The following ZFPM2 variants were observed in gnomAD, a reference collection of about 807,000 sequenced individuals.
ZFPM2 encodes zinc finger protein, FOG family member 2.
Under a neutral mutation model 98.6 loss-of-function variants are expected in ZFPM2, and 20 were observed. The ratio of observed to expected loss-of-function variants is 0.20; its 90% CI spans 0.14 to 0.29. ZFPM2 has a LOEUF of 0.29. Ranked by LOEUF, ZFPM2 falls within the 10% of genes least tolerant of loss-of-function variation. The pLI is 1.00. For missense variants in ZFPM2, 1,310 were observed against 1,388.6 expected (o/e 0.94, Z 0.90); for synonymous variants, 518 against 502.7 (o/e 1.03, Z -0.41).
intron 1 of ZFPM2, among the ~76,000 whole-genome samples, chr8:105,391,024 A>G (rs1395083787): frequency 1.3e-5 from 2 of 152,240 alleles, no homozygotes; most frequent in African/African-American, 4.8e-5. Context: ...TCAAGACTCC[A>G]TAGCATAAAT....
chr8:105,616,020 T>C (rs951088101), intron 4 of ZFPM2, among the ~76,000 whole-genome samples: 6 of 152,118 alleles, frequency 3.9e-5, no homozygotes, highest in Non-Finnish European at 7.4e-5. Context: ...CTTAAGATTA[T>C]GGTATTTAAA....
At chr8:105,395,999 C>T (rs965700592) in intron 1 of ZFPM2, among the ~76,000 whole-genome samples, 1 of 152,162 alleles carries the variant, frequency 6.6e-6, no homozygotes, top group Non-Finnish European at 1.5e-5. Context: ...TCCGTACCTT[C>T]AAGTGTTTAA....
At chr8:105,544,896 G>A (rs554220895) in intron 3 of ZFPM2, among the ~76,000 whole-genome samples, 23 of 152,212 alleles carry the variant, frequency 1.5e-4, no homozygotes, top group Non-Finnish European at 2.8e-4. Flanking sequence ...ATCATGGATT[G>A]GTAATAAGCA....
rs1352934724 is a variant in ZFPM2 at position 105,440,731 on chromosome 8, T to TA, written c.200-3548dup. Among the ~76,000 whole-genome samples, 6 of 152,144 alleles carry TA rather than the reference T, an allele frequency of 3.9e-5. No individual in the cohort carries two copies. In the East Asian group the frequency reaches 1.2e-3, roughly 29 times the overall value. ...TAGAACAGGAGCTCTAATTCTGCGA[T>TA]ACAGTCACTGCTAGCAACTGAAGAC... is the stretch of plus-strand genomic sequence containing the variant. On this transcript the variant is annotated intron_variant, in intron 2 of 7. Transcript: ENST00000407775.
intron 5 of ZFPM2, among the ~76,000 whole-genome samples, chr8:105,698,840 A>G (rs1403386829): frequency 1.3e-5 from 2 of 152,144 alleles, no homozygotes; most frequent in African/African-American, 2.4e-5. Flanking sequence ...CTGCATACTG[A>G]TATTTTGACT....
chr8:105,426,695 C>A (rs1408683206), intron 2 of ZFPM2, among the ~76,000 whole-genome samples: 2 of 152,084 alleles, frequency 1.3e-5, no homozygotes, highest in African/African-American at 2.4e-5. Flanking sequence ...CACCTGTAAT[C>A]CTAGCACTTT....
Position 105,738,714 on chromosome 8 carries a change from G to A in ZFPM2, c.533-50004G>A, listed in dbSNP as rs1342348363. ...TTGACTTTCTCATAATAGCCATCCT[G>A]ACTGGTGTGAGATGGTATTTCATTG... is the stretch of plus-strand genomic sequence containing the variant. On this transcript the variant is annotated intron_variant, in intron 5 of 7. Coordinates refer to ENST00000407775, the MANE Select transcript of ZFPM2 (RefSeq NM_012082.4). Among the ~76,000 whole-genome samples the A allele has an allele frequency of 2.6e-5, 4 of 152,012 alleles. No homozygotes were observed. In the East Asian group the frequency reaches 7.8e-4, roughly 30 times the overall value.
At chr8:105,402,107 T>C (rs1811353312) in intron 1 of ZFPM2, among the ~76,000 whole-genome samples, 1 of 152,080 alleles carries the variant, frequency 6.6e-6, no homozygotes, top group South Asian at 2.1e-4. Flanking sequence ...GTACTATAAT[T>C]TTCATTTGCT....
At chr8:105,741,569 T>C (rs1464478523) in intron 5 of ZFPM2, among the ~76,000 whole-genome samples, 1 of 152,052 alleles carries the variant, frequency 6.6e-6, no homozygotes, top group Non-Finnish European at 1.5e-5. Flanking sequence ...GCAGAGTAGA[T>C]GGACACAGGC....
At chr8:105,359,968 C>T (rs33992903) in intron 1 of ZFPM2, among the ~76,000 whole-genome samples, 18,350 of 152,126 alleles carry the variant, frequency 0.12, 1,312 homozygotes, top group Non-Finnish European at 0.16. Flanking sequence ...AAATGTATGC[C>T]GTACTCAGTT....
chr8:105,442,463 T>G (rs747441019), intron 2 of ZFPM2, among the ~76,000 whole-genome samples: 6 of 152,388 alleles, frequency 3.9e-5, no homozygotes, highest in Non-Finnish European at 7.3e-5. Context: ...TGTCTTTTTC[T>G]GTAAATATCA....
intron 3 of ZFPM2, among the ~76,000 whole-genome samples, chr8:105,543,313 C>A (rs555274073): frequency 9.2e-5 from 14 of 152,234 alleles, no homozygotes; most frequent in African/African-American, 3.1e-4. Flanking sequence ...CGGTGAAACT[C>A]CATCTCTACA....
chr8:105,632,823 T>C (rs1816777756), intron 4 of ZFPM2, among the ~76,000 whole-genome samples: 1 of 152,200 alleles, frequency 6.6e-6, no homozygotes, highest in African/African-American at 2.4e-5. Context: ...AAAATATAAA[T>C]ATTAAAGATT....
chr8:105,412,928 A>C (rs1811605742), intron 1 of ZFPM2, among the ~76,000 whole-genome samples: 1 of 151,862 alleles, frequency 6.6e-6, no homozygotes, highest in South Asian at 2.1e-4. Context: ...AGGAACTACT[A>C]AGAGCCACAA....
intron 4 of ZFPM2, among the ~76,000 whole-genome samples, chr8:105,604,958 T>C (rs2130789597): frequency 6.6e-6 from 1 of 152,198 alleles, no homozygotes; most frequent in Non-Finnish European, 1.5e-5. Flanking sequence ...AAATATTTGC[T>C]GAATGTATAA....
chr8:105,471,636 G>A (rs1812905298), intron 3 of ZFPM2, among the ~76,000 whole-genome samples: 2 of 152,158 alleles, frequency 1.3e-5, no homozygotes, highest in African/African-American at 4.8e-5. Context: ...GGGTTTGAGG[G>A]TGGTGAGTTG....
chr8:105,535,642 C>G lies in ZFPM2; in HGVS notation c.302-25721C>G, dbSNP rs554280933. 2.0e-5 allele frequency among the ~76,000 whole-genome samples: 3 copies of G among 152,246 alleles called. No individual in the cohort carries two copies. In the South Asian group the frequency reaches 6.2e-4, roughly 32 times the overall value. ...AGAAATTGTAAAGTCAGTCTCAGGC[C>G]TAGAAGGACTGTGAGGTTCTTGGAA... On this transcript the variant is annotated intron_variant, in intron 3 of 7. Coordinates refer to ENST00000407775, the MANE Select transcript of ZFPM2 (RefSeq NM_012082.4).
chr8:105,506,084 A>G (rs1245256714), intron 3 of ZFPM2, among the ~76,000 whole-genome samples: 1 of 152,170 alleles, frequency 6.6e-6, no homozygotes, highest in Admixed American at 6.5e-5. Context: ...TCCTCACAGT[A>G]TTAATAAATA....
chr8:105,605,716 G>A (rs1483450758), intron 4 of ZFPM2, among the ~76,000 whole-genome samples: 2 of 152,042 alleles, frequency 1.3e-5, no homozygotes, highest in African/African-American at 2.4e-5. Flanking sequence ...AGAAAATGGG[G>A]TAAGAAAGTT....
Sources: allele counts gnomAD v4.1 joint callset (sites outside exome capture counted in the v4.1 genomes callset), GRCh38; gene constraint gnomAD v4.1.1; transcripts MANE v1.5; gene names NCBI Gene and HGNC (gene_info 2026-07-23, HGNC 2026-07-21).